The following ZNF407 variants were observed in gnomAD, a reference collection of about 807,000 sequenced individuals.
ZNF407 encodes the protein zinc finger protein 407.
In ZNF407, 17 loss-of-function variants were observed where a neutral mutation model predicts 131.2. That is an observed-to-expected ratio of 0.13 (90% CI 0.09 to 0.19). The LOEUF (loss-of-function observed/expected upper bound fraction) is 0.19. ZNF407 is among the 10% of genes least tolerant of loss of function. ZNF407 has a pLI of 1.00. For synonymous variants in ZNF407, 1,156 were observed against 1,062.0 expected, an observed-to-expected ratio of 1.09 and a Z score of -1.72; for missense variants, 2,681 against 2,830.6, an observed-to-expected ratio of 0.95 and a Z score of 1.20.
intron 1 of ZNF407, among the ~76,000 whole-genome samples, chr18:74,623,063 A>C (rs9965416): frequency 0.84 from 126,311 of 150,754 alleles, 53,075 homozygotes; most frequent in Middle Eastern, 0.9. Context: ...CATGTGAGTG[A>C]AGATATGTGT....
chr18:74,929,249 T>TCCTTCCCGGCTC (rs1160581805), intron 8 of ZNF407, among the ~76,000 whole-genome samples: 43 of 152,308 alleles, frequency 2.8e-4, no homozygotes, highest in African/African-American at 9.9e-4. Context: ...CGCCAGCGCT[T>TCCTTCCCGGCTC]CCTTCCCGGC....
chr18:74,891,033 C>G (rs1971377625), intron 7 of ZNF407, among the ~76,000 whole-genome samples: 1 of 152,160 alleles, frequency 6.6e-6, no homozygotes, highest in African/African-American at 2.4e-5. Context: ...GCAGCGAAGC[C>G]TTCGTGCAGA....
chr18:74,637,742 G>A (rs536094994), intron 2 of ZNF407, among the ~76,000 whole-genome samples: 6 of 152,116 alleles, frequency 3.9e-5, no homozygotes, highest in Non-Finnish European at 8.8e-5. Flanking sequence ...TGCAGAGACT[G>A]TTATTAATGG....
intron 3 of ZNF407, among the ~76,000 whole-genome samples, chr18:74,679,063 G>A (rs1450120255): frequency 6.6e-6 from 1 of 151,786 alleles, no homozygotes; most frequent in Non-Finnish European, 1.5e-5. Context: ...AATCTGTGTG[G>A]GGACTCAGCG....
intron 1 of ZNF407, among the ~76,000 whole-genome samples, chr18:74,602,881 C>T (rs1356445915): frequency 1.3e-5 from 2 of 152,110 alleles, no homozygotes; most frequent in Non-Finnish European, 2.9e-5. Context: ...TGCTGGGAAA[C>T]ACATCCTGCA....
rs1296098693 is a variant in ZNF407, at chr18:75,048,188, G to A, written c.5429-14962G>A. ...CACCAGGCCTGTGCCTCGTCTCCCG[G>A]TGACCTGTACAGACACCGCCCTTTT... is the stretch of plus-strand genomic sequence containing the variant. On this transcript the variant is annotated intron_variant, in intron 8 of 8. Transcript: ENST00000299687. This position sits in a 1 kb window ranked among gnomAD's most constrained non-coding sequence, Gnocchi z 4.1. Among the ~76,000 whole-genome samples, 1 of 152,180 alleles carries A rather than the reference G, an allele frequency of 6.6e-6. No homozygotes were observed. Among genetic ancestry groups the A allele is most frequent in the Non-Finnish European group, 1.5e-5 (1 of 68,044 alleles).
At chr18:74,660,560 G>A (rs1228217429) in intron 3 of ZNF407, among the ~76,000 whole-genome samples, 5 of 150,976 alleles carry the variant, frequency 3.3e-5, no homozygotes, top group Admixed American at 2.6e-4. Flanking sequence ...TGCTTACATC[G>A]ATTCTAGAAA....
intron 4 of ZNF407, among the ~76,000 whole-genome samples, chr18:74,858,135 T>G (rs964496855): frequency 2.2e-5 from 3 of 136,172 alleles, no homozygotes; most frequent in African/African-American, 8.1e-5. Flanking sequence ...CTTCCCTCCC[T>G]GCCTCCCTCC....
intron 2 of ZNF407, 24 bp from the exon 3 acceptor site, chr18:74,640,984 A>G: frequency 6.5e-7 from 1 of 1,546,276 alleles, no homozygotes; most frequent in Non-Finnish European, 8.9e-7. Flanking sequence ...AAATCAAATC[A>G]TATTTTATGT....
At chr18:75,023,651 AGCTTTCTCTAATTATAGTCG>A (rs1416350991) in intron 8 of ZNF407, among the ~76,000 whole-genome samples, 4 of 152,166 alleles carry the variant, frequency 2.6e-5, no homozygotes, top group Non-Finnish European at 5.9e-5. Context: ...GCAGGAAGTC[AGCTTTCTCTAATTATAGTCG>A]GCTTTCTCTA....
chr18:74,762,306 TCTTA>T (rs1969113490), intron 3 of ZNF407, among the ~76,000 whole-genome samples: 1 of 152,074 alleles, frequency 6.6e-6, no homozygotes, highest in African/African-American at 2.4e-5. Context: ...TAAACATATA[TCTTA>T]CTTGTGTATG....
At position 74,633,711 on chromosome 18, in the gene ZNF407, T is replaced by C; in HGVS notation, c.2692T>C (p.Cys898Arg). 6.2e-7 allele frequency: 1 copy of C among 1,613,984 alleles called. No homozygotes were observed. Among genetic ancestry groups the C allele is most frequent in the Non-Finnish European group, 8.5e-7 (1 of 1,179,884 alleles). Reference sequence around the variant, plus strand: ...AACTAAGGGAGATATGGAACGTCATTGTGCCACCAAGAAACATAAAGGACG... The same window carrying C: ...AACTAAGGGAGATATGGAACGTCATCGTGCCACCAAGAAACATAAAGGACG... ...TVTKGDMERH[C>R]ATKKHKGRVE... The change falls in exon 2 of 9, where the codon TGT becomes CGT. Residue 898 changes from cysteine to arginine, a missense_variant. Cys to Arg is a radical substitution (Grantham distance 180, BLOSUM62 -3). Coordinates refer to ENST00000299687, the MANE Select transcript of ZNF407 (RefSeq NM_017757.3).
intron 1 of ZNF407, among the ~76,000 whole-genome samples, chr18:74,606,240 A>G (rs1038608174): frequency 6.6e-6 from 1 of 152,222 alleles, no homozygotes; most frequent in Admixed American, 6.5e-5. Flanking sequence ...GCTATGTGAA[A>G]AAAATGCAGC....
chr18:74,792,876 A>G (rs946745765), intron 4 of ZNF407, among the ~76,000 whole-genome samples: 57 of 152,346 alleles, frequency 3.7e-4, no homozygotes, highest in African/African-American at 1.2e-3. Context: ...AGACACGTCA[A>G]TTGTGGAGCA....
intron 8 of ZNF407, among the ~76,000 whole-genome samples, chr18:74,963,357 C>T (rs1448587709): frequency 1.3e-5 from 2 of 152,160 alleles, no homozygotes; most frequent in Non-Finnish European, 2.9e-5. Flanking sequence ...ATTTAATTGT[C>T]TCCTTACAAC....
At chr18:74,762,519 A>G (rs905262177) in intron 3 of ZNF407, among the ~76,000 whole-genome samples, 1 of 152,054 alleles carries the variant, frequency 6.6e-6, no homozygotes, top group Non-Finnish European at 1.5e-5. Context: ...CTTTACCTCA[A>G]ACAAGATTAT....
intron 3 of ZNF407, among the ~76,000 whole-genome samples, chr18:74,764,701 C>T (rs1413833234): frequency 6.6e-6 from 1 of 152,092 alleles, no homozygotes; most frequent in African/African-American, 2.4e-5. Context: ...GTGAGGGGCT[C>T]CAACCTCCCT....
chr18:74,781,135 T>C (rs943218552), intron 3 of ZNF407, among the ~76,000 whole-genome samples: 58 of 152,310 alleles, frequency 3.8e-4, no homozygotes, highest in African/African-American at 1.3e-3. Flanking sequence ...TTGCTTCATC[T>C]TTCTTACCAA....
intron 8 of ZNF407, among the ~76,000 whole-genome samples, chr18:75,027,440 C>T (rs568783986): frequency 6.6e-6 from 1 of 152,270 alleles, no homozygotes; most frequent in Admixed American, 6.5e-5. Flanking sequence ...ATCAGGAAGA[C>T]AGAGATACAG....
Sources: gnomAD v4.1 joint callset for allele counts (sites outside exome capture counted in the v4.1 genomes callset) on GRCh38, gnomAD v4.1.1 for gene constraint, Gnocchi (gnomAD v3.1) non-coding constraint, MANE v1.5 for transcripts, NCBI Gene and HGNC (gene_info 2026-07-23, HGNC 2026-07-21) for gene names.